UGGT2: variants seen among roughly 807,000 people sequenced by gnomAD.
UGGT2 encodes the protein UDP-glucose:glycoprotein glucosyltransferase 2.
Under a neutral mutation model 192.1 loss-of-function variants are expected in UGGT2, and 180 were observed. The ratio of observed to expected loss-of-function variants is 0.94; its 90% CI spans 0.83 to 1.06. The LOEUF (loss-of-function observed/expected upper bound fraction) is 1.06. UGGT2 is among the 50% of genes least tolerant of loss of function. UGGT2 has a pLI of 0.00. For missense variants in UGGT2, 1,849 were observed against 1,795.7 expected, an observed-to-expected ratio of 1.03 and a Z score of -0.54; for synonymous variants, 580 against 591.0, an observed-to-expected ratio of 0.98 and a Z score of 0.27.
intron 4 of UGGT2, among the ~76,000 whole-genome samples, chr13:96,022,691 A>T (rs1441857431): frequency 1.3e-5 from 2 of 151,970 alleles, no homozygotes; most frequent in Non-Finnish European, 2.9e-5. Context: ...ATAGGAAGCA[A>T]CCTCATCTAT....
At chr13:95,941,893 G>A (rs2049693040) in intron 15 of UGGT2, among the ~76,000 whole-genome samples, 1 of 152,150 alleles carries the variant, frequency 6.6e-6, no homozygotes, top group South Asian at 2.1e-4. Context: ...GGAGATGCAA[G>A]CATTGTTTTG....
intron 22 of UGGT2, among the ~76,000 whole-genome samples, chr13:95,899,862 A>G (rs138808012): frequency 1.1e-3 from 174 of 152,278 alleles, no homozygotes; most frequent in African/African-American, 4.1e-3. Flanking sequence ...AGCACTGTAC[A>G]TAGATGAACC....
intron 11 of UGGT2, 131 bp from the exon 12 acceptor site, chr13:95,970,393 T>G: frequency 2.7e-6 from 2 of 733,202 alleles, no homozygotes; most frequent in South Asian, 4.0e-5. Flanking sequence ...GAAAAATATA[T>G]TAAACTCATT....
chr13:95,921,209 G>A (rs2140402681), intron 20 of UGGT2, among the ~76,000 whole-genome samples: 1 of 152,156 alleles, frequency 6.6e-6, no homozygotes, highest in Non-Finnish European at 1.5e-5. Flanking sequence ...GGGGGTGTGG[G>A]GAGGGAGAGC....
chr13:95,888,346 G>GTGTCCTGA (rs2047704680), intron 25 of UGGT2, among the ~76,000 whole-genome samples: 1 of 152,136 alleles, frequency 6.6e-6, no homozygotes, highest in South Asian at 2.1e-4. Flanking sequence ...AACGTTGGTG[G>GTGTCCTGA]TGTCCTGATT....
intron 38 of UGGT2, among the ~76,000 whole-genome samples, chr13:95,815,565 A>G (rs1022611218): frequency 6.6e-6 from 1 of 152,228 alleles, no homozygotes; most frequent in African/African-American, 2.4e-5. Context: ...AGACCAAAAT[A>G]AATCAAGAAA....
intron 29 of UGGT2, 177 bp downstream of exon 29, chr13:95,877,102 T>C: frequency 2.1e-6 from 1 of 468,206 alleles, no homozygotes. Context: ...CAGGCAGGTC[T>C]TGAACTCCTG....
intron 34 of UGGT2, 77 bp downstream of exon 34, chr13:95,856,081 A>G: frequency 8.5e-7 from 1 of 1,177,166 alleles, no homozygotes; most frequent in Non-Finnish European, 1.2e-6. Flanking sequence ...CATGAGCAAC[A>G]TGAATTAATC....
chr13:95,840,211 A>G (rs999985302), intron 36 of UGGT2, among the ~76,000 whole-genome samples: 1 of 152,176 alleles, frequency 6.6e-6, no homozygotes, highest in Non-Finnish European at 1.5e-5. Context: ...TATTTAAACT[A>G]AAGAGCTTCT....
intron 20 of UGGT2, among the ~76,000 whole-genome samples, chr13:95,913,258 A>C (rs1400649881): frequency 2.0e-5 from 3 of 152,258 alleles, no homozygotes; most frequent in Non-Finnish European, 2.9e-5. Flanking sequence ...TAAACTAAAG[A>C]GCTTCTCCAC....
Position 95,884,667 on chromosome 13 carries a change from CA to C in UGGT2, c.3051del (p.Phe1017LeufsTer7). ...CCTGACATCAGTTCTGGTTCCAGAA[CA>C]AAACGGTAAAAGCTGTTAATAAAAC... ...SEAPLESFYR[F>X]VLEPELMSGA... On this transcript the variant is annotated frameshift_variant, in exon 27 of 39. Transcript: ENST00000376747. LOFTEE classifies it high-confidence loss of function. The C allele has an allele frequency of 6.2e-7, 1 of 1,609,086 alleles. No individual in the cohort carries two copies. Among genetic ancestry groups the C allele is most frequent in the Non-Finnish European group, 8.5e-7 (1 of 1,178,288 alleles).
At chr13:95,940,715 G>A (rs1253309514) in intron 15 of UGGT2, among the ~76,000 whole-genome samples, 3 of 150,516 alleles carry the variant, frequency 2.0e-5, no homozygotes, top group East Asian at 1.9e-4. Context: ...GCGGCCTCCC[G>A]AAGGGCTTGG....
chr13:95,865,913 T>C (rs1183262692), intron 30 of UGGT2, among the ~76,000 whole-genome samples: 1 of 152,188 alleles, frequency 6.6e-6, no homozygotes, highest in African/African-American at 2.4e-5. Context: ...GTTAACCCCA[T>C]TTTACAGATG....
chr13:95,884,504 A>C lies in UGGT2; in HGVS notation c.3215T>G (p.Ile1072Ser). Residue 1072 changes from isoleucine (I) to serine (S), a missense_variant, in exon 27 of 39, where the codon ATT (isoleucine) becomes AGT (serine). Coordinates refer to ENST00000376747, the MANE Select transcript of UGGT2 (RefSeq NM_020121.4). ...ACAATAACTTACATCCTTTAAGTGA[A>C]TATTATCAAGGTCACAGTTGCTGTG... is the stretch of plus-strand genomic sequence containing the variant. Reference protein sequence around the residue: ...TVHSNCDLDNIHLKDTEKTVT... With the variant: ...TVHSNCDLDNSHLKDTEKTVT... 6.2e-7 allele frequency: 1 copy of C among 1,610,816 alleles called. No individual in the cohort carries two copies. The highest frequency in any genetic ancestry group is 1.3e-5 in the African/African-American group (1 of 74,896).
chr13:95,877,455 T>C lies in UGGT2; in HGVS notation c.3388-91A>G, dbSNP rs76604021. 401 of 1,106,450 alleles carry C rather than the reference T, an allele frequency of 3.6e-4. No individual in the cohort carries two copies. The African/African-American group carries it at 5.7e-3, about 16-fold the overall frequency. The allele number at this position is 1,106,450 out of a possible 1,614,324, so 68.5% of individuals were successfully genotyped here. On this transcript the variant is annotated intron_variant, in intron 28 of 38. Transcript: ENST00000376747. ...TACACGAATGATCTAAGAAAGTATT[T>C]ATTAACTGTAGAATGAATAAATTCT...
Position 95,877,220 on chromosome 13 carries a change from T to C in UGGT2, c.3473+59A>G, listed in dbSNP as rs896553988. The stretch of plus-strand genomic sequence containing the variant: ...TAATTGTTGTTTTGATTCTCTTGGT[T>C]GTATTACACTAAAAACGTATTTATG... On this transcript the variant is annotated intron_variant, in intron 29 of 38. Transcript: ENST00000376747. 14 of 1,307,290 alleles carry C rather than the reference T, an allele frequency of 1.1e-5. No homozygotes were observed. The African/African-American group carries it at 2.0e-4, about 18-fold the overall frequency. 81.0% of individuals were successfully genotyped at this position (1,307,290 alleles called of 1,614,324 possible).
At chr13:96,001,233 C>T (rs2051791448) in intron 5 of UGGT2, among the ~76,000 whole-genome samples, 1 of 152,066 alleles carries the variant, frequency 6.6e-6, no homozygotes. Flanking sequence ...GATGACATTC[C>T]ACCACAAAAG....
At chr13:95,907,183 C>A (rs1479603320) in intron 20 of UGGT2, among the ~76,000 whole-genome samples, 1 of 152,220 alleles carries the variant, frequency 6.6e-6, no homozygotes, top group African/African-American at 2.4e-5. Context: ...GATTGAACTG[C>A]AAGCTGGCAG....
chr13:95,837,137 A>ACAC lies in UGGT2; in HGVS notation c.4347_4349dup (p.Trp1449dup). ...TGGATTCATCATCACACCAGGTTTCACACCACAGCCAGTCTTGAGGAAGAG... is the reference window on the plus strand; with the variant it reads ...TGGATTCATCATCACACCAGGTTTCACACCACCACAGCCAGTCTTGAGGAAGAG... On this transcript the variant is annotated inframe_insertion, in exon 37 of 39. Coordinates refer to ENST00000376747, the MANE Select transcript of UGGT2 (RefSeq NM_020121.4). 6.2e-7 allele frequency: 1 copy of ACAC among 1,614,074 alleles called. No homozygotes were observed. The highest frequency in any genetic ancestry group is 8.5e-7 in the Non-Finnish European group (1 of 1,179,960).
Sources: gnomAD v4.1 joint callset for allele counts (sites outside exome capture counted in the v4.1 genomes callset) on GRCh38, gnomAD v4.1.1 for gene constraint, MANE v1.5 for transcripts, NCBI Gene and HGNC (gene_info 2026-07-23, HGNC 2026-07-21) for gene names.